Variants in MAST3 observed in about 807,000 individuals in gnomAD.
MAST3 encodes the protein microtubule-associated serine/threonine-protein kinase 3.
Under a neutral mutation model 127.0 loss-of-function variants are expected in MAST3, and 43 were observed. The observed-to-expected ratio is 0.34, with a 90% CI of 0.27 to 0.44. The LOEUF (loss-of-function observed/expected upper bound fraction) is 0.44, where lower values mean the gene tolerates loss of function less well. Among genes scored for constraint, MAST3 ranks in the 20% least tolerant of loss-of-function variants. The pLI is 1.00. For synonymous variants in MAST3, 785 were observed against 809.2 expected (o/e 0.97, Z 0.51); for missense variants, 1,390 against 1,919.1 (o/e 0.72, Z 5.15).
At chr19:18,132,142 T>G in intron 15 of MAST3, 95 bp downstream of exon 15, 1 of 1,527,798 alleles carries the variant, frequency 6.5e-7, no homozygotes, top group Non-Finnish European at 8.8e-7. Context: ...GCCTCTGAGG[T>G]GCATCCCGGG....
At chr19:18,124,427 C>A in intron 10 of MAST3, 61 bp downstream of exon 10, 1 of 1,469,656 alleles carries the variant, frequency 6.8e-7, no homozygotes. Flanking sequence ...GGGACCACAA[C>A]AGTCCTGCCA....
chr19:18,123,901 C>T (rs755362555), intron 8 of MAST3, 38 bp from the exon 9 acceptor site: 7 of 1,522,126 alleles, frequency 4.6e-6, no homozygotes, highest in African/African-American at 1.4e-5. Flanking sequence ...ACTCCAGCCC[C>T]GCCCTCTGAC....
Position 18,112,619 on chromosome 19 carries a change from A to T in MAST3, c.161+1878A>T, listed in dbSNP as rs2146971035. Among the ~76,000 whole-genome samples the T allele has an allele frequency of 6.6e-6, 1 of 152,166 alleles. No individual in the cohort carries two copies. Among genetic ancestry groups the T allele is most frequent in the Non-Finnish European group, 1.5e-5 (1 of 67,988 alleles). ...CAAAGTGCTGGGATTACAGGCATGA[A>T]CCACCAAGCCTGGCCTAATGTTTGT... is the stretch of plus-strand genomic sequence containing the variant. On this transcript the variant is annotated intron_variant, in intron 3 of 27. Coordinates refer to ENST00000687212, the MANE Select transcript of MAST3 (RefSeq NM_001393504.1). The surrounding 1 kb of genome is among the most constrained non-coding windows in gnomAD (Gnocchi z 4.1).
chr19:18,123,228 C>T lies in MAST3; in HGVS notation c.411C>T (p.Ser137=). 6.2e-7 allele frequency: 1 copy of T among 1,613,760 alleles called. No homozygotes were observed. The highest frequency in any genetic ancestry group is 8.5e-7 in the Non-Finnish European group (1 of 1,179,884). Residue 137 remains serine, a synonymous_variant, in exon 7 of 28, where the codon TCC becomes TCT. Transcript: ENST00000687212. The stretch of plus-strand genomic sequence containing the variant: ...CCACTCTCTACCAGTCAAGCTCATC[C>T]TCCCGGGAACGTCTCCACCAGCTTC... ...TPSSTLSSSS[S]SRERLHQLPF... is the part of the protein sequence containing the mutation.
chr19:18,124,697 G>A lies in MAST3; in HGVS notation c.1001G>A (p.Arg334Gln), dbSNP rs779889232. 8 of 1,611,814 alleles carry A rather than the reference G, an allele frequency of 5.0e-6. No individual in the cohort carries two copies. The highest frequency in any genetic ancestry group is 3.4e-5 in the Admixed American group (2 of 59,194). Residue 334 changes from arginine to glutamine, a missense_variant, in exon 11 of 28, where the codon CGG becomes CAG. Physicochemically the swap from Arg to Gln is conservative, Grantham distance 43. Transcript: ENST00000687212. ...HLLEAAEGHA[R>Q]EGQGIKTDLP... is the part of the protein sequence containing the mutation. ...CTGGAGGCGGCTGAGGGCCATGCGCGGGAGGGCCAAGGCATTAAGACTGAC... is the reference window on the plus strand; with the variant it reads ...CTGGAGGCGGCTGAGGGCCATGCGCAGGAGGGCCAAGGCATTAAGACTGAC...
intron 11 of MAST3, 124 bp from the exon 12 acceptor site, chr19:18,128,276 A>G (rs1599781811): frequency 4.4e-6 from 3 of 675,144 alleles, no homozygotes; most frequent in Non-Finnish European, 7.6e-6. Flanking sequence ...GTGTCATGAG[A>G]GCTGGTCAGG....
intron 11 of MAST3, among the ~76,000 whole-genome samples, chr19:18,127,952 G>C (rs1257487419): frequency 6.6e-6 from 1 of 152,288 alleles, no homozygotes; most frequent in African/African-American, 2.4e-5. Flanking sequence ...TCAAACCCAG[G>C]TGTACCTAAG....
At chr19:18,128,503 C>T in intron 12 of MAST3, 45 bp downstream of exon 12, 1 of 1,524,054 alleles carries the variant, frequency 6.6e-7, no homozygotes, top group Non-Finnish European at 8.9e-7. Flanking sequence ...TTGTTCTTTC[C>T]AGAGTGGACC....
At chr19:18,101,721 G>A (rs950880892) in intron 1 of MAST3, among the ~76,000 whole-genome samples, 1 of 149,862 alleles carries the variant, frequency 6.7e-6, no homozygotes, top group Non-Finnish European at 1.5e-5. Flanking sequence ...CGCCATCTTG[G>A]CTCACTGCAG....
chr19:18,119,672 C>T (rs2039724111), intron 3 of MAST3, among the ~76,000 whole-genome samples: 1 of 152,144 alleles, frequency 6.6e-6, no homozygotes, highest in Non-Finnish European at 1.5e-5. Flanking sequence ...CGAGTCCGAC[C>T]CAAAGCTGAG....
chr19:18,102,664 T>C (rs185721916), intron 1 of MAST3, among the ~76,000 whole-genome samples: 5 of 152,232 alleles, frequency 3.3e-5, no homozygotes, highest in South Asian at 2.1e-4. Flanking sequence ...GTATTTTAAG[T>C]AGAGACGGGG....
At chr19:18,123,435 T>G in intron 7 of MAST3, 61 bp downstream of exon 7, 1 of 1,533,826 alleles carries the variant, frequency 6.5e-7, no homozygotes, top group South Asian at 1.2e-5. Flanking sequence ...GAGGCCCAAG[T>G]TGTGGCTCCT....
Position 18,143,908 on chromosome 19 carries a change from C to T in MAST3, c.2485C>T (p.Pro829Ser), listed in dbSNP as rs763635171. 16 of 1,613,710 alleles carry T rather than the reference C, an allele frequency of 9.9e-6. No homozygotes were observed. Among genetic ancestry groups the T allele is most frequent in the Non-Finnish European group, 1.4e-5 (16 of 1,179,828 alleles). Residue 829 changes from proline to serine, a missense_variant, in exon 22 of 28, where the codon CCA becomes TCA. Physicochemically the swap from Pro to Ser is moderately conservative, Grantham distance 74. Transcript: ENST00000687212. ...AFSSEDEGVGPGPAGPKRPVF... is the reference protein window; with the variant it reads ...AFSSEDEGVGSGPAGPKRPVF... ...CTCATCAGAGGATGAGGGGGTAGGC[C>T]CAGGCCCTGCAGGCCCCAAGAGGCC...
At position 18,146,878 on chromosome 19, in the gene MAST3, C is replaced by T; in HGVS notation, c.3163-3C>T. On this transcript the variant is annotated splice_polypyrimidine_tract_variant and splice_region_variant and intron_variant, in intron 25 of 27. Transcript: ENST00000687212. ...AGGCAACCCCTCACCATCCCTCCCG[C>T]AGAGCGGCAACAAGATATCCCTGCG... is the stretch of plus-strand genomic sequence containing the variant. The T allele has an allele frequency of 6.5e-7, 1 of 1,550,186 alleles. No homozygotes were observed.
At chr19:18,136,753 C>T (rs1348359865) in intron 18 of MAST3, among the ~76,000 whole-genome samples, 3 of 151,962 alleles carry the variant, frequency 2.0e-5, no homozygotes, top group African/African-American at 4.8e-5. Flanking sequence ...ATCCTGGCTT[C>T]GTCCCTCTCC....
At position 18,145,004 on chromosome 19, in the gene MAST3, T is replaced by A; in HGVS notation, c.2814T>A (p.Asp938Glu). 1 of 1,521,884 alleles carries A rather than the reference T, an allele frequency of 6.6e-7. No individual in the cohort carries two copies. The highest frequency in any genetic ancestry group is 9.1e-7 in the Non-Finnish European group (1 of 1,104,706). 94.3% of individuals were successfully genotyped at this position (1,521,884 alleles called of 1,614,324 possible). Residue 938 changes from aspartate (D) to glutamate (E), a missense_variant and splice_region_variant, in exon 24 of 28, where the codon GAT becomes GAA. Transcript: ENST00000687212. The surrounding 1 kb of genome is among the most constrained non-coding windows in gnomAD (Gnocchi z 5.9). ...VSALSLIITA[D>E]DGSGGPLMSP... ...GACCCCCTCCCTAACCCCCTGCAGA[T>A]GATGGCAGCGGCGGCCCCCTCATGA...
chr19:18,147,467 C>T lies in MAST3; in HGVS notation c.3351C>T (p.Ile1117=). 1 of 1,613,504 alleles carries T rather than the reference C, an allele frequency of 6.2e-7. No individual in the cohort carries two copies. The highest frequency in any genetic ancestry group is 8.5e-7 in the Non-Finnish European group (1 of 1,179,712). ...GGCGGAAGTCACTTTTCAAGAAGAT[C>T]TCCAAGCAGACCTCCGTGCTGCACA... The part of the protein sequence containing the change: ...RERRKSLFKK[I]SKQTSVLHTS... The change falls in exon 27 of 28, where the codon ATC becomes ATT. Residue 1117 remains isoleucine (I), a synonymous_variant. Coordinates refer to ENST00000687212, the MANE Select transcript of MAST3 (RefSeq NM_001393504.1).
chr19:18,134,672 C>A lies in MAST3; in HGVS notation c.1665C>A (p.Gly555=), dbSNP rs1233170188. Residue 555 remains glycine, a synonymous_variant, in exon 16 of 28, where the codon GGC becomes GGA. Transcript: ENST00000687212. ...LMSMATNLYE[G]HIEKDAREFI... is the part of the protein sequence containing the mutation. The stretch of plus-strand genomic sequence containing the variant: ...GCATGGCCACCAACCTCTATGAGGG[C>A]CACATCGAGAAGGACGCCCGAGAGT... 1 of 1,613,712 alleles carries A rather than the reference C, an allele frequency of 6.2e-7. No homozygotes were observed. The highest frequency in any genetic ancestry group is 1.3e-5 in the African/African-American group (1 of 75,042).
At chr19:18,123,825 G>T (rs560632938) in intron 8 of MAST3, 114 bp from the exon 9 acceptor site, 14 of 1,027,964 alleles carry the variant, frequency 1.4e-5, no homozygotes, top group Non-Finnish European at 1.8e-5. Context: ...CCTCCCACCC[G>T]ATCGCCCCAT....
Sources: allele counts gnomAD v4.1 joint callset (sites outside exome capture counted in the v4.1 genomes callset), GRCh38; gene constraint gnomAD v4.1.1; non-coding constraint Gnocchi (gnomAD v3.1); transcripts MANE v1.5; gene names NCBI Gene and HGNC (gene_info 2026-07-23, HGNC 2026-07-21).